Variants in PHEX observed in about 807,000 individuals in gnomAD.
PHEX encodes the protein phosphate-regulating neutral endopeptidase PHEX.
A neutral mutation model predicts 68.0 loss-of-function variants in PHEX; 16 were observed. The ratio of observed to expected loss-of-function variants is 0.24; its 90% confidence interval spans 0.16 to 0.36. The LOEUF (loss-of-function observed/expected upper bound fraction) is 0.36. Among genes scored for constraint, PHEX ranks in the 10% least tolerant of loss-of-function variants. PHEX has a pLI of 1.00. For synonymous variants in PHEX, 208 were observed against 205.1 expected (o/e 1.01, Z -0.12); for missense variants, 480 against 575.5 (o/e 0.83, Z 1.70).
At chrX:22,062,170 C>T (rs1407961446) in intron 3 of PHEX, among the ~76,000 whole-genome samples, 1 of 111,716 alleles carries the variant, frequency 9.0e-6, no homozygotes, top group Non-Finnish European at 1.9e-5. Flanking sequence ...TTTGAGAATT[C>T]TGCCACTGAA....
chrX:22,162,393 A>G (rs1334434045), intron 12 of PHEX, among the ~76,000 whole-genome samples: 2 of 112,362 alleles, frequency 1.8e-5, no homozygotes, highest in Non-Finnish European at 3.8e-5. Context: ...TATGACTAAA[A>G]GAGTGACATT....
intron 11 of PHEX, among the ~76,000 whole-genome samples, chrX:22,119,690 T>G (rs1024965824): frequency 9.2e-6 from 1 of 108,870 alleles, no homozygotes; most frequent in African/African-American, 3.4e-5. Flanking sequence ...CCTCCTGGGT[T>G]CAAGCCATTC....
intron 20 of PHEX, among the ~76,000 whole-genome samples, chrX:22,240,022 T>G (rs1428273338): frequency 8.9e-6 from 1 of 111,941 alleles, no homozygotes; most frequent in African/African-American, 3.2e-5. Flanking sequence ...GGGATGCCCA[T>G]CAGACTAACA....
At chrX:22,163,486 C>T (rs1387581822) in intron 12 of PHEX, 8 of 111,534 alleles carry the variant, frequency 7.2e-5, no homozygotes, top group Admixed American at 5.7e-4. Context: ...TCAGCAGCTG[C>T]GTAAACCTCC....
intron 21 of PHEX, 99 bp downstream of exon 21, chrX:22,245,508 A>G (rs774659167): frequency 3.3e-6 from 2 of 605,695 alleles, no homozygotes; most frequent in Non-Finnish European, 5.7e-6. Context: ...GGTGATCTGA[A>G]AAAAATCCCA....
intron 12 of PHEX, among the ~76,000 whole-genome samples, chrX:22,135,146 G>A (rs1024668494): frequency 1.8e-4 from 20 of 111,774 alleles, no homozygotes; most frequent in Non-Finnish European, 3.4e-4. Flanking sequence ...GCAAGGCAGC[G>A]TTGGAGGAAG....
intron 3 of PHEX, among the ~76,000 whole-genome samples, chrX:22,053,591 A>G (rs1465927330): frequency 8.9e-6 from 1 of 112,090 alleles, no homozygotes; most frequent in Admixed American, 9.5e-5. Context: ...GTGACCATGA[A>G]GAAGACACAG....
At chrX:22,115,757 CA>C (rs1297172245) in intron 11 of PHEX, among the ~76,000 whole-genome samples, 2 of 109,131 alleles carry the variant, frequency 1.8e-5, no homozygotes, top group African/African-American at 7.2e-5. Flanking sequence ...TATGCTGTTG[CA>C]AAAGGCAGGA....
chrX:22,180,214 C>T (rs12007523), intron 14 of PHEX, among the ~76,000 whole-genome samples: 32,338 of 109,606 alleles, frequency 0.3, 3,780 homozygotes, highest in Middle Eastern at 0.36. Flanking sequence ...ACCTTGAGTC[C>T]ATAGGGCTTC....
At chrX:22,085,732 C>T (rs1035364590) in intron 5 of PHEX, among the ~76,000 whole-genome samples, 1 of 111,757 alleles carries the variant, frequency 8.9e-6, no homozygotes, top group Non-Finnish European at 1.9e-5. Context: ...TATGATCTAT[C>T]CTGGAGAATG....
intron 12 of PHEX, among the ~76,000 whole-genome samples, chrX:22,140,523 C>G (rs190322715): frequency 9.0e-6 from 1 of 110,748 alleles, no homozygotes; most frequent in Admixed American, 9.5e-5. Flanking sequence ...GCTCTGTGGC[C>G]CAGACTAGAG....
intron 12 of PHEX, among the ~76,000 whole-genome samples, chrX:22,149,257 G>C (rs1295451383): frequency 9.0e-6 from 1 of 111,650 alleles, no homozygotes; most frequent in Non-Finnish European, 1.9e-5. Flanking sequence ...GCTCATGAGA[G>C]CTTCCTCACA....
At chrX:22,142,493 A>G (rs908324315) in intron 12 of PHEX, among the ~76,000 whole-genome samples, 11 of 112,006 alleles carry the variant, frequency 9.8e-5, no homozygotes, top group Non-Finnish European at 1.9e-4. Context: ...TACTGTTTCT[A>G]TGTCGTTCAT....
At chrX:22,083,427 G>A (rs991727462) in intron 5 of PHEX, among the ~76,000 whole-genome samples, 1 of 111,698 alleles carries the variant, frequency 9.0e-6, no homozygotes, top group Non-Finnish European at 1.9e-5. Flanking sequence ...TTTGATAGAG[G>A]TTGTGTTGAA....
chrX:22,157,932 T>C (rs1933000002), intron 12 of PHEX, among the ~76,000 whole-genome samples: 3 of 112,035 alleles, frequency 2.7e-5, no homozygotes, highest in African/African-American at 9.7e-5. Flanking sequence ...GTATGATGCA[T>C]CTGCTTGTGG....
intron 20 of PHEX, among the ~76,000 whole-genome samples, chrX:22,231,966 G>A (rs186938395): frequency 9.0e-6 from 1 of 111,563 alleles, no homozygotes; most frequent in East Asian, 2.8e-4. Context: ...CTGGTACATT[G>A]TGTCTTTGTT....
At chrX:22,245,476 C>T in intron 21 of PHEX, 67 bp downstream of exon 21, 1 of 725,916 alleles carries the variant, frequency 1.4e-6, no homozygotes, top group Non-Finnish European at 2.2e-6. Flanking sequence ...CCCACCCAGC[C>T]ATCCAAGGGC....
At chrX:22,226,300 A>C (rs1347918966) in intron 18 of PHEX, 143 bp from the exon 19 acceptor site, 1 of 486,035 alleles carries the variant, frequency 2.1e-6, no homozygotes, top group Non-Finnish European at 3.6e-6. Context: ...ACAATATATT[A>C]TGCCTACCTC....
chrX:22,206,777 A>G lies in PHEX; in HGVS notation c.1646-6127A>G, dbSNP rs1934725340. 2.7e-5 allele frequency among the ~76,000 whole-genome samples: 3 copies of G among 111,113 alleles called. 1 individual carries two copies. The Admixed American group carries it at 2.9e-4, about 11-fold the overall frequency. The stretch of plus-strand genomic sequence containing the variant: ...GTGTGAATTTGCTAGGCCTGAATAT[A>G]TTTATTTATTTGTTTTCTTGAGGTC... On this transcript the variant is annotated intron_variant, in intron 15 of 21. Transcript: ENST00000379374.
Sources: allele counts gnomAD v4.1 joint callset (sites outside exome capture counted in the v4.1 genomes callset), GRCh38; gene constraint gnomAD v4.1.1; transcripts MANE v1.5; gene names NCBI Gene and HGNC (gene_info 2026-07-23, HGNC 2026-07-21).